Variants in NRG1 observed in about 807,000 individuals in gnomAD.
The protein encoded by NRG1 is pro-neuregulin-1, membrane-bound isoform.
NRG1 carries 18 observed loss-of-function variants against 63.8 expected under a neutral mutation model. That is an observed-to-expected ratio of 0.28 (90% confidence interval 0.19 to 0.42). The LOEUF is 0.42. Among genes scored for constraint, NRG1 ranks in the 10% least tolerant of loss-of-function variants. The pLI is 1.00. For missense variants in NRG1, 762 were observed against 814.7 expected (o/e 0.94, Z 0.79); for synonymous variants, 302 against 301.3 (o/e 1.00, Z -0.02).
chr8:32,022,788 G>A (rs1563689935), intron 1 of NRG1, among the ~76,000 whole-genome samples: 1 of 152,064 alleles, frequency 6.6e-6, no homozygotes, highest in Non-Finnish European at 1.5e-5. Flanking sequence ...TGTATGAAAT[G>A]AATGAGTCCA....
At position 32,471,399 on chromosome 8, in the gene NRG1, A is replaced by G. The variant is rs368332448; in HGVS notation, c.38-124429A>G. Among the ~76,000 whole-genome samples, 34 of 152,238 alleles carry G rather than the reference A, an allele frequency of 2.2e-4. No homozygotes were observed. The East Asian group carries it at 4.4e-3, about 20-fold the overall frequency. ...TCCCCTACATTTTGTAATTTGTCAC[A>G]TTTACATTTTAGGTGGGTTGTTCTA... On this transcript the variant is annotated intron_variant, in intron 1 of 10. Transcript: ENST00000519301.
chr8:31,902,080 T>TA (rs915554998), intron 1 of NRG1, among the ~76,000 whole-genome samples: 5 of 151,268 alleles, frequency 3.3e-5, no homozygotes, highest in Admixed American at 6.6e-5. Flanking sequence ...TTTAAAAATT[T>TA]AAAAAAAAAG....
chr8:32,093,686 TAAAAC>T (rs1419034519), intron 1 of NRG1, among the ~76,000 whole-genome samples: 9 of 152,194 alleles, frequency 5.9e-5, no homozygotes, highest in Non-Finnish European at 1.3e-4. Context: ...CCATAAACAA[TAAAAC>T]AAAATCCATG....
At chr8:32,079,647 C>A (rs543575188) in intron 1 of NRG1, among the ~76,000 whole-genome samples, 1 of 152,140 alleles carries the variant, frequency 6.6e-6, no homozygotes, top group East Asian at 1.9e-4. Flanking sequence ...GTAAAATATG[C>A]TCATAAACAA....
At chr8:32,061,686 G>T (rs1193776729) in intron 1 of NRG1, 1 of 151,954 alleles carries the variant, frequency 6.6e-6, no homozygotes, top group African/African-American at 2.4e-5. Flanking sequence ...TCACAACTAG[G>T]AAAGTCACGT....
In NRG1 at chr8:31,906,385, T is replaced by C. The variant is rs554926937; in HGVS notation, c.37+266954T>C. 7.2e-5 allele frequency among the ~76,000 whole-genome samples: 11 copies of C among 152,222 alleles called. No individual in the cohort carries two copies. The South Asian group carries it at 1.7e-3, about 23-fold the overall frequency. ...TTTTATTGTATCAACACAGGTACGA[T>C]GTAGGAGGGACAATACAGTGTGTGG... On this transcript the variant is annotated intron_variant, in intron 1 of 10. Transcript: ENST00000519301.
At chr8:31,973,120 G>A (rs1018879160) in intron 1 of NRG1, among the ~76,000 whole-genome samples, 1 of 151,914 alleles carries the variant, frequency 6.6e-6, no homozygotes, top group East Asian at 1.9e-4. Context: ...GAAAAACTAT[G>A]TCAATAATCT....
intron 1 of NRG1, among the ~76,000 whole-genome samples, chr8:32,268,015 C>T (rs2129472180): frequency 6.6e-6 from 1 of 152,272 alleles, no homozygotes; most frequent in South Asian, 2.1e-4. Flanking sequence ...ATATGTGATT[C>T]CATGGTTATC....
intron 1 of NRG1, among the ~76,000 whole-genome samples, chr8:31,881,747 G>A (rs959537178): frequency 6.6e-6 from 1 of 152,140 alleles, no homozygotes; most frequent in African/African-American, 2.4e-5. Context: ...TATGGAGAAA[G>A]TTTTAGTAGT....
At chr8:32,344,883 A>G (rs184096125) in intron 1 of NRG1, among the ~76,000 whole-genome samples, 1,531 of 152,298 alleles carry the variant, frequency 0.01, 14 homozygotes, top group Non-Finnish European at 0.015. Context: ...CTGCTCAGAA[A>G]TGGTTAAGAC....
At chr8:31,782,682 G>T (rs1049521191) in intron 1 of NRG1, among the ~76,000 whole-genome samples, 4 of 152,158 alleles carry the variant, frequency 2.6e-5, no homozygotes, top group Admixed American at 6.6e-5. Flanking sequence ...GAACGATAGA[G>T]ATCAGAGGTT....
intron 1 of NRG1, among the ~76,000 whole-genome samples, chr8:32,424,626 T>A (rs1464609615): frequency 6.6e-6 from 1 of 152,148 alleles, no homozygotes; most frequent in Non-Finnish European, 1.5e-5. Context: ...ATCCCAGCAA[T>A]TTGGGAGGCC....
At chr8:32,280,691 G>GTTTTTTTTTT (rs1174950316) in intron 1 of NRG1, among the ~76,000 whole-genome samples, 123 of 57,650 alleles carry the variant, frequency 2.1e-3, no homozygotes, top group Non-Finnish European at 3.0e-3. Context: ...TTTTTTTTTT[G>GTTTTTTTTTT]TTTTTTTTTT....
At chr8:32,307,333 G>A (rs938958208) in intron 1 of NRG1, among the ~76,000 whole-genome samples, 8 of 152,120 alleles carry the variant, frequency 5.3e-5, no homozygotes, top group African/African-American at 1.9e-4. Flanking sequence ...AAAATCTGGG[G>A]CCTCAGGCAT....
intron 1 of NRG1, among the ~76,000 whole-genome samples, chr8:31,680,245 C>G (rs1487575549): frequency 6.6e-6 from 1 of 151,216 alleles, no homozygotes; most frequent in East Asian, 2.0e-4. Context: ...CACCCACTAA[C>G]TCGTCATCTA....
chr8:32,662,429 A>AT, intron 5 of NRG1, among the ~76,000 whole-genome samples: 1 of 152,186 alleles, frequency 6.6e-6, no homozygotes, highest in East Asian at 1.9e-4. Flanking sequence ...GAAGCATGCC[A>AT]TTCATTGTAA....
intron 1 of NRG1, among the ~76,000 whole-genome samples, chr8:32,099,926 A>G (rs1280595395): frequency 6.6e-6 from 1 of 152,046 alleles, no homozygotes; most frequent in African/African-American, 2.4e-5. Context: ...ATGAAGGTGG[A>G]GGGGGGAACA....
intron 1 of NRG1, among the ~76,000 whole-genome samples, chr8:31,982,334 T>G (rs1375247187): frequency 2.0e-5 from 3 of 152,108 alleles, no homozygotes; most frequent in Admixed American, 1.3e-4. Flanking sequence ...ATTCTTGCTA[T>G]AATGTATGAA....
intron 1 of NRG1, among the ~76,000 whole-genome samples, chr8:32,540,901 C>G (rs1460611787): frequency 2.6e-5 from 4 of 151,988 alleles, no homozygotes; most frequent in African/African-American, 9.7e-5. Context: ...CATGGTTGGT[C>G]ACCAGTTATT....
Sources: allele counts gnomAD v4.1 joint callset (sites outside exome capture counted in the v4.1 genomes callset), GRCh38; gene constraint gnomAD v4.1.1; transcripts MANE v1.5; gene names NCBI Gene and HGNC (gene_info 2026-07-23, HGNC 2026-07-21).